BABAM1: variants seen among roughly 807,000 people sequenced by gnomAD.
BABAM1 encodes the protein BRISC and BRCA1 A complex member 1.
A neutral mutation model predicts 34.4 loss-of-function variants in BABAM1; 14 were observed. The ratio of observed to expected loss-of-function variants is 0.41; its 90% CI spans 0.27 to 0.64. BABAM1 has a LOEUF of 0.64. Among genes scored for constraint, BABAM1 ranks in the 30% least tolerant of loss-of-function variants. The pLI, the probability that BABAM1 is intolerant of heterozygous loss-of-function variation, is 0.34. For missense variants in BABAM1, 393 were observed against 434.0 expected, an observed-to-expected ratio of 0.91 and a Z score of 0.84; for synonymous variants, 169 against 165.8, an observed-to-expected ratio of 1.02 and a Z score of -0.15.
intron 8 of BABAM1, among the ~76,000 whole-genome samples, chr19:17,278,434 G>A (rs1261825417): frequency 1.3e-5 from 2 of 151,458 alleles, no homozygotes; most frequent in African/African-American, 2.4e-5. Context: ...TCAGCCTCCC[G>A]AGTAGCTAGG....
chr19:17,276,938 A>G, intron 8 of BABAM1, 29 bp downstream of exon 8: 2 of 1,560,596 alleles, frequency 1.3e-6, no homozygotes, highest in Non-Finnish European at 1.7e-6. Flanking sequence ...TGTGAGTAGC[A>G]GGCGGGTGTG....
At chr19:17,270,204 T>A (rs2073823544) in intron 2 of BABAM1, among the ~76,000 whole-genome samples, 1 of 152,108 alleles carries the variant, frequency 6.6e-6, no homozygotes, top group Non-Finnish European at 1.5e-5. Context: ...GTGCTGGGAT[T>A]ACAGGCGTGA....
In BABAM1 at chr19:17,273,545, GTTTTTTTTTGTTTGTTTTGTTTTTT is replaced by G. The variant is rs1568334477; in HGVS notation, c.345-349_345-325del. Among the ~76,000 whole-genome samples, 2 of 35,140 alleles carry G rather than the reference GTTTTTTTTTGTTTGTTTTGTTTTTT, an allele frequency of 5.7e-5. 1 individual carries two copies. The highest frequency in any genetic ancestry group is 1.7e-4 in the Non-Finnish European group (2 of 11,932). The allele number at this position is 35,140 out of a possible 152,430, so 23.1% of individuals were successfully genotyped here. A position where few individuals can be genotyped will look rare whatever the true frequency, so the allele number is the denominator to read the frequency against. On this transcript the variant is annotated intron_variant, in intron 3 of 8. Transcript: ENST00000598188. Reference sequence around the variant, plus strand: ...TTTCAGAGGAGGGTGGCTGAAGGAAGTTTTTTTTTGTTTGTTTTGTTTTTTTTTTTTTTTTTGAGACAGAGTCTCA... The same window carrying G: ...TTTCAGAGGAGGGTGGCTGAAGGAAGTTTTTTTTTTTGAGACAGAGTCTCA...
intron 2 of BABAM1, among the ~76,000 whole-genome samples, chr19:17,270,233 T>C (rs770354989): frequency 3.8e-4 from 57 of 151,750 alleles, no homozygotes; most frequent in Non-Finnish European, 6.5e-4. Context: ...ACCCAGCCAC[T>C]GAGATGAGGT....
chr19:17,273,559 GTTTTGTTTTTTTTT>G (rs2073869250), intron 3 of BABAM1, among the ~76,000 whole-genome samples: 4 of 24,612 alleles, frequency 1.6e-4, no homozygotes, highest in African/African-American at 8.5e-4. Flanking sequence ...TTTTTTGTTT[GTTTTGTTTTTTTTT>G]TTTTTTTTGA....
At chr19:17,271,495 A>G (rs2073840382) in intron 2 of BABAM1, 102 bp from the exon 3 acceptor site, 4 of 1,332,800 alleles carry the variant, frequency 3.0e-6, no homozygotes, top group Non-Finnish European at 4.2e-6. Context: ...AGAGGTCACC[A>G]TACTGCCTTT....
chr19:17,270,389 C>A (rs917213102), intron 2 of BABAM1, among the ~76,000 whole-genome samples: 1 of 152,042 alleles, frequency 6.6e-6, no homozygotes, highest in Non-Finnish European at 1.5e-5. Context: ...CCTCATAAAG[C>A]CTTTCTCACT....
intron 2 of BABAM1, among the ~76,000 whole-genome samples, chr19:17,269,489 TA>T (rs536675852): frequency 5.3e-5 from 8 of 151,140 alleles, no homozygotes; most frequent in South Asian, 2.1e-4. Context: ...CAGCTGGGAT[TA>T]CAAGTGCCCA....
chr19:17,267,729 G>A (rs955643096), intron 1 of BABAM1, among the ~76,000 whole-genome samples: 10 of 152,202 alleles, frequency 6.6e-5, no homozygotes, highest in African/African-American at 2.4e-4. Context: ...ACCATCTTGG[G>A]AAGCCCGTGC....
At chr19:17,271,396 C>T (rs1388181981) in intron 2 of BABAM1, among the ~76,000 whole-genome samples, 2 of 152,162 alleles carry the variant, frequency 1.3e-5, no homozygotes, top group Non-Finnish European at 2.9e-5. Flanking sequence ...TTCTCTGGCT[C>T]ATTTATTTAC....
rs765682019 is a variant in BABAM1 at position 17,268,968 on chromosome 19, G to A, written c.162G>A (p.Glu54=). Reference sequence around the variant, plus strand: ...GCAGCCGCAGCGAGGGTGAGGGTGAGGCCGCCAGTGCTGATGATGGGAGCC... The same window carrying A: ...GCAGCCGCAGCGAGGGTGAGGGTGAAGCCGCCAGTGCTGATGATGGGAGCC... ...SVGSRSEGEG[E]AASADDGSLN... The change falls in exon 2 of 9, where the codon GAG becomes GAA. Residue 54 remains glutamate (E), a synonymous_variant. Transcript: ENST00000598188. The A allele has an allele frequency of 2.3e-5, 36 of 1,575,286 alleles. 1 individual carries two copies. The highest frequency in any genetic ancestry group is 4.2e-4 in the Middle Eastern group (2 of 4,814).
At chr19:17,272,606 C>T (rs1400767269) in intron 3 of BABAM1, among the ~76,000 whole-genome samples, 3 of 151,346 alleles carry the variant, frequency 2.0e-5, no homozygotes, top group Non-Finnish European at 2.9e-5. Flanking sequence ...GGGGTTTCAC[C>T]GTGTTAGCCA....
At chr19:17,275,661 C>T in intron 5 of BABAM1, 140 bp from the exon 6 acceptor site, 1 of 1,011,206 alleles carries the variant, frequency 9.9e-7, no homozygotes, top group Non-Finnish European at 1.5e-6. Context: ...ATTTGTGTGT[C>T]AGAGAGGGCA....
chr19:17,272,097 T>C (rs1568333956), intron 3 of BABAM1, among the ~76,000 whole-genome samples: 1 of 152,038 alleles, frequency 6.6e-6, no homozygotes, highest in Non-Finnish European at 1.5e-5. Flanking sequence ...TGCACCACCA[T>C]GCCCGTTTAA....
chr19:17,273,564 G>GTTTTTTTTTTTTTTTTT (rs754203595), intron 3 of BABAM1, among the ~76,000 whole-genome samples: 12 of 45,926 alleles, frequency 2.6e-4, no homozygotes, highest in South Asian at 6.5e-4. Flanking sequence ...TGTTTGTTTT[G>GTTTTTTTTTTTTTTTTT]TTTTTTTTTT....
Position 17,269,044 on chromosome 19 carries a change from C to T in BABAM1, c.238C>T (p.Pro80Ser). The change falls in exon 2 of 9, where the codon CCT becomes TCT. Residue 80 changes from proline to serine, a missense_variant. Pro to Ser is a moderately conservative substitution (Grantham distance 74, BLOSUM62 -1). Coordinates refer to ENST00000598188, the MANE Select transcript of BABAM1 (RefSeq NM_014173.4). Reference sequence around the variant, plus strand: ...GTCCTGGCAGGTGCCCCCGCCAGCCCCTGAGGTCCAAATTCGGACACCAAG... The same window carrying T: ...GTCCTGGCAGGTGCCCCCGCCAGCCTCTGAGGTCCAAATTCGGACACCAAG... Reference protein sequence around the residue: ...PKSWQVPPPAPEVQIRTPRVN... With the variant: ...PKSWQVPPPASEVQIRTPRVN... The T allele has an allele frequency of 6.2e-7, 1 of 1,604,068 alleles. No individual in the cohort carries two copies. Among genetic ancestry groups the T allele is most frequent in the East Asian group, 2.2e-5 (1 of 44,564 alleles).
At chr19:17,276,455 C>T (rs1037240474) in intron 6 of BABAM1, 40 bp from the exon 7 acceptor site, 18 of 1,568,398 alleles carry the variant, frequency 1.1e-5, no homozygotes, top group Admixed American at 1.9e-5. Context: ...GGCAGACCCC[C>T]ACAGGCTGCT....
intron 1 of BABAM1, among the ~76,000 whole-genome samples, 165 bp downstream of exon 1, chr19:17,267,692 G>C (rs964361623): frequency 6.6e-6 from 1 of 152,124 alleles, no homozygotes; most frequent in South Asian, 2.1e-4. Context: ...TTTTCTTAGA[G>C]GTGTGGGGAC....
chr19:17,275,115 G>C (rs1187150056), intron 5 of BABAM1, among the ~76,000 whole-genome samples: 1 of 151,904 alleles, frequency 6.6e-6, no homozygotes, highest in Non-Finnish European at 1.5e-5. Flanking sequence ...ATGTTGCCCA[G>C]GCTGGTCTTG....
Sources: gnomAD v4.1 joint callset for allele counts (sites outside exome capture counted in the v4.1 genomes callset) on GRCh38, gnomAD v4.1.1 for gene constraint, MANE v1.5 for transcripts, NCBI Gene and HGNC (gene_info 2026-07-23, HGNC 2026-07-21) for gene names.